Variants in AMMECR1 observed in about 807,000 individuals in gnomAD.
AMMECR1 encodes the protein AMMECR nuclear protein 1, also known as nuclear protein AMMECR1.
A neutral mutation model predicts 22.5 loss-of-function variants in AMMECR1; 3 were observed. That is an observed-to-expected ratio of 0.13 (90% CI 0.06 to 0.35). The LOEUF (loss-of-function observed/expected upper bound fraction) is 0.35. Ranked by LOEUF, AMMECR1 falls within the 10% of genes least tolerant of loss-of-function variation. AMMECR1 has a pLI of 1.00. For synonymous variants in AMMECR1, 130 were observed against 116.7 expected (o/e 1.11, Z -0.74); for missense variants, 235 against 278.7 (o/e 0.84, Z 1.12).
chrX:110,413,860 T>A (rs755037465), intron 2 of AMMECR1, among the ~76,000 whole-genome samples: 2 of 111,594 alleles, frequency 1.8e-5, no homozygotes, highest in Admixed American at 9.5e-5. Flanking sequence ...CTAATATGTA[T>A]GTGCCAGGCA....
intron 2 of AMMECR1, among the ~76,000 whole-genome samples, chrX:110,364,806 G>A (rs1046672516): frequency 4.5e-5 from 5 of 111,795 alleles, no homozygotes; most frequent in East Asian, 2.8e-4. Context: ...TAAGTCTACC[G>A]AAGAATGTCT....
chrX:110,319,948 G>A (rs1263282156), upstream of AMMECR1, among the ~76,000 whole-genome samples: 1 of 112,290 alleles, frequency 8.9e-6, no homozygotes, highest in Non-Finnish European at 1.9e-5. Context: ...GAAAGATTGA[G>A]AGACACTGAA....
At chrX:110,434,850 G>A (rs1250629878) in intron 1 of AMMECR1, among the ~76,000 whole-genome samples, 1 of 110,267 alleles carries the variant, frequency 9.1e-6, no homozygotes, top group South Asian at 4.0e-4. Context: ...CTCATCCAGG[G>A]CAAGGGCTAG....
chrX:110,405,904 A>G (rs746806749), intron 2 of AMMECR1, among the ~76,000 whole-genome samples: 1 of 111,488 alleles, frequency 9.0e-6, no homozygotes, highest in East Asian at 2.8e-4. Context: ...GCTTGACTAT[A>G]TTTTCTCTTT....
intron 3 of AMMECR1, among the ~76,000 whole-genome samples, chrX:110,210,249 A>T (rs760622584): frequency 4.5e-4 from 49 of 108,569 alleles, no homozygotes; most frequent in African/African-American, 1.5e-3. Flanking sequence ...ACTCCACGGC[A>T]CTTAAAAAAA....
intron 2 of AMMECR1, among the ~76,000 whole-genome samples, chrX:110,409,172 C>G (rs16985987): frequency 0.036 from 3,984 of 110,801 alleles, 64 homozygotes; most frequent in Non-Finnish European, 0.046. Context: ...GTATATAAAA[C>G]TGGCAGGAGA....
chrX:110,341,751 G>T lies in AMMECR1; in HGVS notation c.-147-23902C>A, dbSNP rs765384801. 6.2e-5 allele frequency among the ~76,000 whole-genome samples: 7 copies of T among 112,426 alleles called. No individual in the cohort carries two copies. In the East Asian group the frequency reaches 2.0e-3, roughly 31 times the overall value. ...GGAAATTCGGATATGCCAAAGAAAA[G>T]CTGTAAAGTGCTTCCTTTCAATGAA... is the stretch of plus-strand genomic sequence containing the variant. On this transcript the variant is annotated intron_variant, in intron 2 of 7. Transcript: ENST00000372057.
intron 2 of AMMECR1, among the ~76,000 whole-genome samples, chrX:110,238,709 C>T (rs980579463): frequency 1.8e-5 from 2 of 112,563 alleles, no homozygotes; most frequent in African/African-American, 6.5e-5. Flanking sequence ...AAGGGACAGA[C>T]TGCCTCCTCA....
In AMMECR1 at chrX:110,317,921, T is replaced by C; in HGVS notation, c.151A>G (p.Thr51Ala). Residue 51 changes from threonine (T) to alanine (A), a missense_variant, in exon 1 of 6, where the codon ACG becomes GCG. By Grantham distance (58) the Thr-to-Ala change is moderately conservative. This residue lies in a region of AMMECR1 where 124 missense variants were observed against 97.0 expected (regional missense o/e 1.28). Coordinates refer to ENST00000262844, the MANE Select transcript of AMMECR1 (RefSeq NM_015365.3). ...AGELGLGGAGTRLNGLGGLTG... is the reference protein window; with the variant it reads ...AGELGLGGAGARLNGLGGLTG... ...AGACCTCCCAGCCCGTTGAGCCGCG[T>C]ACCGGCGCCTCCTAGTCCCAGCTCC... 2 of 1,196,760 alleles carry C rather than the reference T, an allele frequency of 1.7e-6. No individual in the cohort carries two copies. Among genetic ancestry groups the C allele is most frequent in the Non-Finnish European group, 2.3e-6 (2 of 888,220 alleles).
In AMMECR1 at chrX:110,295,146, A is replaced by G. The variant is rs186763655; in HGVS notation, c.473+22453T>C. On this transcript the variant is annotated intron_variant, in intron 1 of 5. Transcript: ENST00000262844. ...AAACAACTTTCTGGGCAATAGATGT[A>G]CACATTTAGTGATAGATACTTCACA... is the stretch of plus-strand genomic sequence containing the variant. 4.5e-5 allele frequency among the ~76,000 whole-genome samples: 5 copies of G among 111,699 alleles called. No homozygotes were observed. In the East Asian group the frequency reaches 1.4e-3, roughly 31 times the overall value.
chrX:110,280,570 A>T (rs972198247), intron 1 of AMMECR1, among the ~76,000 whole-genome samples: 7 of 111,876 alleles, frequency 6.3e-5, no homozygotes, highest in Non-Finnish European at 1.1e-4. Flanking sequence ...TAACATTTTT[A>T]TTCACTATAA....
intron 1 of AMMECR1, chrX:110,426,919 T>C (rs1479729246): frequency 8.9e-6 from 1 of 112,491 alleles, no homozygotes; most frequent in Non-Finnish European, 1.9e-5. Flanking sequence ...CTAAGCCTGG[T>C]AACACATTTA....
intron 2 of AMMECR1, among the ~76,000 whole-genome samples, chrX:110,392,226 A>G (rs1338654512): frequency 1.8e-5 from 2 of 110,356 alleles, no homozygotes; most frequent in Non-Finnish European, 3.8e-5. Flanking sequence ...TGGGTCCAGA[A>G]CCCAAAATGT....
intron 2 of AMMECR1, among the ~76,000 whole-genome samples, chrX:110,328,423 C>CT (rs1248685441): frequency 2.1e-5 from 2 of 94,223 alleles, no homozygotes; most frequent in African/African-American, 4.2e-5. Flanking sequence ...CGTCTATTTC[C>CT]TTTTTTCTTT....
intron 3 of AMMECR1, among the ~76,000 whole-genome samples, chrX:110,203,259 C>T (rs1250905872): frequency 9.0e-6 from 1 of 111,677 alleles, no homozygotes; most frequent in Non-Finnish European, 1.9e-5. Context: ...TATATACTAG[C>T]CCAGAGACCA....
intron 3 of AMMECR1, among the ~76,000 whole-genome samples, chrX:110,212,285 G>A (rs936279350): frequency 2.7e-5 from 3 of 111,748 alleles, no homozygotes; most frequent in Admixed American, 9.5e-5. Context: ...CACTGATCGT[G>A]GTCACGTTCC....
intron 2 of AMMECR1, among the ~76,000 whole-genome samples, chrX:110,363,806 T>C (rs1237499292): frequency 9.0e-6 from 1 of 111,297 alleles, no homozygotes; most frequent in East Asian, 2.8e-4. Flanking sequence ...ATATAACAAG[T>C]GCCTACAGAG....
At chrX:110,382,027 A>G (rs2068423714) in intron 2 of AMMECR1, among the ~76,000 whole-genome samples, 1 of 111,574 alleles carries the variant, frequency 9.0e-6, no homozygotes, top group African/African-American at 3.3e-5. Flanking sequence ...AAAAATTTAA[A>G]CAGCTGCATT....
At chrX:110,230,866 C>G in intron 2 of AMMECR1, among the ~76,000 whole-genome samples, 2 of 111,693 alleles carry the variant, frequency 1.8e-5, no homozygotes, top group Non-Finnish European at 3.8e-5. Flanking sequence ...AACCATGGCA[C>G]GAGAACTTCG....
Sources: allele counts gnomAD v4.1 joint callset (sites outside exome capture counted in the v4.1 genomes callset), GRCh38; gene constraint gnomAD v4.1.1; regional missense constraint gnomAD v4.1.1; transcripts MANE v1.5; gene names NCBI Gene and HGNC (gene_info 2026-07-23, HGNC 2026-07-21).